HTR2C: variants seen among roughly 807,000 people sequenced by gnomAD.
HTR2C encodes the protein 5-hydroxytryptamine receptor 2C, also known as 5-hydroxytryptamine (serotonin) receptor 2C, G protein-coupled.
In HTR2C, 5 loss-of-function variants were observed where a neutral mutation model predicts 21.0. The observed-to-expected ratio is 0.24, with a 90% CI of 0.12 to 0.50. HTR2C has a LOEUF of 0.50. Among genes scored for constraint, HTR2C ranks in the 20% least tolerant of loss-of-function variants. The pLI is 0.98. For synonymous variants in HTR2C, 150 were observed against 145.3 expected (o/e 1.03, Z -0.23); for missense variants, 271 against 371.2 (o/e 0.73, Z 2.22).
intron 4 of HTR2C, among the ~76,000 whole-genome samples, chrX:114,802,738 C>CT (rs1488828320): frequency 4.8e-5 from 4 of 83,395 alleles, no homozygotes; most frequent in African/African-American, 1.9e-4. Flanking sequence ...TTCTTTCTTT[C>CT]TTATTATTAT....
chrX:114,637,405 T>C (rs1164225555), intron 2 of HTR2C, among the ~76,000 whole-genome samples: 1 of 111,607 alleles, frequency 9.0e-6, no homozygotes, highest in Non-Finnish European at 1.9e-5. Context: ...CAAGGAGAAG[T>C]AGGAAGAGGA....
intron 5 of HTR2C, among the ~76,000 whole-genome samples, chrX:114,863,833 A>G (rs1232834557): frequency 1.8e-5 from 2 of 111,819 alleles, no homozygotes; most frequent in East Asian, 5.6e-4. Flanking sequence ...GGGTGCATAA[A>G]TATTTACAAT....
At chrX:114,906,513 T>C in intron 5 of HTR2C, 76 bp from the exon 6 acceptor site, 2 of 735,297 alleles carry the variant, frequency 2.7e-6, no homozygotes, top group Admixed American at 6.5e-5. Flanking sequence ...AAAATGCAAA[T>C]TAATGTATGC....
At chrX:114,625,981 T>C (rs1450551087) in intron 2 of HTR2C, among the ~76,000 whole-genome samples, 3 of 111,304 alleles carry the variant, frequency 2.7e-5, no homozygotes, top group Non-Finnish European at 5.7e-5. Flanking sequence ...AAGTTCTAAG[T>C]TTATTTTGGG....
At chrX:114,836,516 T>C (rs782688474) in intron 4 of HTR2C, among the ~76,000 whole-genome samples, 1 of 112,485 alleles carries the variant, frequency 8.9e-6, no homozygotes, top group African/African-American at 3.2e-5. Context: ...GGGAACTCCC[T>C]GACCCCTTGC....
At chrX:114,854,276 A>T (rs2070941455) in intron 5 of HTR2C, among the ~76,000 whole-genome samples, 1 of 111,686 alleles carries the variant, frequency 9.0e-6, no homozygotes, top group African/African-American at 3.2e-5. Context: ...GAAATTTTAA[A>T]TTATTTTTGT....
chrX:114,792,512 C>T (rs146246987), intron 4 of HTR2C, among the ~76,000 whole-genome samples: 4,439 of 111,526 alleles, frequency 0.04, 161 homozygotes, highest in Admixed American at 0.17. Context: ...TCTTTATCCA[C>T]TCAATCATTG....
intron 2 of HTR2C, among the ~76,000 whole-genome samples, chrX:114,619,706 C>G (rs1929080806): frequency 9.0e-6 from 1 of 111,179 alleles, no homozygotes; most frequent in Admixed American, 9.6e-5. Context: ...TTCCTGCCCA[C>G]CATACCCCCT....
At chrX:114,754,584 T>C (rs2069792636) in intron 4 of HTR2C, among the ~76,000 whole-genome samples, 1 of 110,446 alleles carries the variant, frequency 9.1e-6, no homozygotes, top group South Asian at 3.8e-4. Flanking sequence ...CCTCCATAGG[T>C]AAAAACAAAT....
At chrX:114,807,951 G>A (rs186396750) in intron 4 of HTR2C, among the ~76,000 whole-genome samples, 1 of 111,494 alleles carries the variant, frequency 9.0e-6, no homozygotes, top group East Asian at 2.8e-4. Flanking sequence ...GATTACAGGC[G>A]TGAGCCACCG....
At position 114,835,105 on chromosome X, in the gene HTR2C, A is replaced by G. The variant is rs868932730; in HGVS notation, c.350-12898A>G. Among the ~76,000 whole-genome samples, 312 of 99,509 alleles carry G rather than the reference A, an allele frequency of 3.1e-3. 4 individuals carry two copies. Among genetic ancestry groups the G allele is most frequent in the African/African-American group, 0.011 (301 of 27,779 alleles). 86.4% of individuals were successfully genotyped at this position (99,509 alleles called of 115,157 possible). ...TAGTCTGATGGGCTTCCCTTTGAGG[A>G]TAACCCGACCTTTCTCTCTGGCTGC... On this transcript the variant is annotated intron_variant, in intron 4 of 5. Coordinates refer to ENST00000276198, the MANE Select transcript of HTR2C (RefSeq NM_000868.4).
intron 4 of HTR2C, among the ~76,000 whole-genome samples, chrX:114,772,487 T>TGGTG (rs2070015257): frequency 1.1e-5 from 1 of 87,671 alleles, no homozygotes; most frequent in Non-Finnish European, 2.2e-5. Flanking sequence ...CGGGGCGTGG[T>TGGTG]GGGGGGGCCT....
chrX:114,822,749 T>C (rs983793092), intron 4 of HTR2C, among the ~76,000 whole-genome samples: 1 of 111,825 alleles, frequency 8.9e-6, no homozygotes, highest in Non-Finnish European at 1.9e-5. Flanking sequence ...TAGATTGTAT[T>C]GAACCTCTCA....
chrX:114,653,203 C>T (rs1930653261), intron 2 of HTR2C, among the ~76,000 whole-genome samples: 1 of 108,894 alleles, frequency 9.2e-6, no homozygotes, highest in South Asian at 3.9e-4. Flanking sequence ...AATTACTCTG[C>T]CCATCATTTT....
intron 4 of HTR2C, among the ~76,000 whole-genome samples, chrX:114,773,905 T>C (rs1443260272): frequency 9.6e-6 from 1 of 104,322 alleles, no homozygotes; most frequent in African/African-American, 3.4e-5. Context: ...GTGTCCAAAC[T>C]CCATCATCTT....
intron 4 of HTR2C, chrX:114,763,361 T>C (rs1273415891): frequency 8.3e-6 from 1 of 120,023 alleles, no homozygotes; most frequent in African/African-American, 3.2e-5. Context: ...AGATACCAGG[T>C]GTGCTGCATT....
At chrX:114,858,750 C>T (rs1241264583) in intron 5 of HTR2C, among the ~76,000 whole-genome samples, 2 of 109,857 alleles carry the variant, frequency 1.8e-5, no homozygotes, top group Non-Finnish European at 3.8e-5. Context: ...AAGTAGTAGA[C>T]ATCTTTTTTT....
At chrX:114,847,547 C>A (rs1334189381) in intron 4 of HTR2C, among the ~76,000 whole-genome samples, 2 of 105,462 alleles carry the variant, frequency 1.9e-5, no homozygotes, top group Non-Finnish European at 1.9e-5. Flanking sequence ...TGTAACTAAC[C>A]TGCACATTGT....
At chrX:114,842,011 C>A (rs1202986086) in intron 4 of HTR2C, among the ~76,000 whole-genome samples, 2 of 112,024 alleles carry the variant, frequency 1.8e-5, no homozygotes, top group African/African-American at 6.5e-5. Context: ...TGAGGAGGAA[C>A]TTTATTGTTC....
Sources: gnomAD v4.1 joint callset for allele counts (sites outside exome capture counted in the v4.1 genomes callset) on GRCh38, gnomAD v4.1.1 for gene constraint, MANE v1.5 for transcripts, NCBI Gene and HGNC (gene_info 2026-07-23, HGNC 2026-07-21) for gene names.